The following FAM184B variants were observed in gnomAD, a reference collection of about 807,000 sequenced individuals.
FAM184B encodes the protein protein FAM184B.
FAM184B carries 111 observed loss-of-function variants against 135.9 expected under a neutral mutation model. The ratio of observed to expected loss-of-function variants is 0.82; its 90% CI spans 0.70 to 0.96. The LOEUF (loss-of-function observed/expected upper bound fraction) is 0.96. Ranked by LOEUF, FAM184B falls within the 40% of genes least tolerant of loss-of-function variation. FAM184B has a pLI of 0.00. For missense variants in FAM184B, 1,375 were observed against 1,323.9 expected (o/e 1.04, Z -0.60); for synonymous variants, 552 against 524.8 (o/e 1.05, Z -0.71).
intron 11 of FAM184B, among the ~76,000 whole-genome samples, chr4:17,651,793 C>T (rs1715624227): frequency 6.6e-6 from 1 of 152,126 alleles, no homozygotes; most frequent in Non-Finnish European, 1.5e-5. Flanking sequence ...TAGAGCTGGG[C>T]TTCACACCCA....
chr4:17,727,195 T>C (rs73800374), intron 1 of FAM184B, among the ~76,000 whole-genome samples: 1 of 152,168 alleles, frequency 6.6e-6, no homozygotes, highest in Non-Finnish European at 1.5e-5. Flanking sequence ...ATTAAGACTC[T>C]GTCCCTACTC....
At chr4:17,762,097 G>C (rs1455074296) in intron 1 of FAM184B, among the ~76,000 whole-genome samples, 2 of 152,170 alleles carry the variant, frequency 1.3e-5, no homozygotes, top group African/African-American at 4.8e-5. Flanking sequence ...GCTGCCAAGA[G>C]ACCTCTTTCC....
chr4:17,709,575 G>C lies in FAM184B; in HGVS notation c.211C>G (p.Gln71Glu), dbSNP rs1577270775. Residue 71 changes from glutamine (Q) to glutamate (E), a missense_variant, in exon 2 of 18, where the codon CAG (glutamine) becomes GAG (glutamate). By Grantham distance (29) the Gln-to-Glu change is conservative (BLOSUM62 2). Coordinates refer to ENST00000265018, the MANE Select transcript of FAM184B (RefSeq NM_015688.2). ...GCCACCGCATTCTGGAGCTCCTCCT[G>C]GTGCGCTTCCCGCAGCGCCTCCATG... ...ASMEALREAHQEELQNAVAET... is the reference protein window; with the variant it reads ...ASMEALREAHEEELQNAVAET... 1 of 1,549,418 alleles carries C rather than the reference G, an allele frequency of 6.5e-7. No homozygotes were observed. Among genetic ancestry groups the C allele is most frequent in the East Asian group, 2.4e-5 (1 of 40,908 alleles).
chr4:17,707,352 G>C (rs1717141735), intron 3 of FAM184B, among the ~76,000 whole-genome samples: 1 of 152,246 alleles, frequency 6.6e-6, no homozygotes, highest in Admixed American at 6.5e-5. Flanking sequence ...GGTGAAGTGA[G>C]TCAGTGCTAA....
Position 17,703,916 on chromosome 4 carries a change from C to T in FAM184B, c.1377+1084G>A, listed in dbSNP as rs1168615028. Among the ~76,000 whole-genome samples the T allele has an allele frequency of 2.2e-5, 3 of 138,746 alleles. No homozygotes were observed. In the East Asian group the frequency reaches 6.0e-4, roughly 28 times the overall value. 91.0% of individuals were successfully genotyped at this position (138,746 alleles called of 152,430 possible). A position where few individuals can be genotyped will look rare whatever the true frequency, so the allele number is the denominator to read the frequency against. ...ACTGCACTCCAGCCTGGTGACAGAC[C>T]AAGACTCCGTTTCAAAAAAAAAAAA... On this transcript the variant is annotated intron_variant, in intron 5 of 17. Transcript: ENST00000265018.
chr4:17,769,965 C>T (rs1273823341), intron 1 of FAM184B, among the ~76,000 whole-genome samples: 1 of 152,242 alleles, frequency 6.6e-6, no homozygotes, highest in African/African-American at 2.4e-5. Context: ...TCTGAAGAGA[C>T]ATCTGAGCCA....
At chr4:17,751,867 A>ACAC (rs1491120270) in intron 1 of FAM184B, among the ~76,000 whole-genome samples, 26 of 149,456 alleles carry the variant, frequency 1.7e-4, no homozygotes, top group South Asian at 4.3e-4. Context: ...ACACACACAC[A>ACAC]AAAGAACCAG....
At chr4:17,776,482 G>C (rs1449917385) in intron 1 of FAM184B, among the ~76,000 whole-genome samples, 2 of 152,122 alleles carry the variant, frequency 1.3e-5, no homozygotes, top group South Asian at 2.1e-4. Flanking sequence ...TCCGCCTCTC[G>C]GGTTCAAGCG....
intron 1 of FAM184B, among the ~76,000 whole-genome samples, chr4:17,715,781 A>G (rs182484298): frequency 6.6e-6 from 1 of 150,458 alleles, no homozygotes; most frequent in Non-Finnish European, 1.5e-5. Context: ...TTGTCAGTTT[A>G]AAAAAAAAGA....
intron 1 of FAM184B, among the ~76,000 whole-genome samples, chr4:17,774,322 T>G (rs746799014): frequency 2.6e-5 from 4 of 152,090 alleles, no homozygotes; most frequent in Non-Finnish European, 5.9e-5. Context: ...GAGCCCAGAT[T>G]GTACCACTGC....
At position 17,743,439 on chromosome 4, in the gene FAM184B, T is replaced by C. The variant is rs1185492104; in HGVS notation, c.142-33795A>G. 2.0e-5 allele frequency among the ~76,000 whole-genome samples: 3 copies of C among 152,300 alleles called. No homozygotes were observed. The East Asian group carries it at 5.8e-4, about 29-fold the overall frequency. ...CTCTGGCTGCTGCGTTGAGAGCAGG[T>C]GGAAGCAGGGAGACTAGTCAGGGAG... On this transcript the variant is annotated intron_variant, in intron 1 of 17. Coordinates refer to ENST00000265018, the MANE Select transcript of FAM184B (RefSeq NM_015688.2).
At chr4:17,766,008 C>A (rs1224618761) in intron 1 of FAM184B, among the ~76,000 whole-genome samples, 1 of 152,160 alleles carries the variant, frequency 6.6e-6, no homozygotes, top group Non-Finnish European at 1.5e-5. Flanking sequence ...TAACTGGCTT[C>A]AACAGTGAAG....
At chr4:17,744,494 A>AC (rs1386166129) in intron 1 of FAM184B, among the ~76,000 whole-genome samples, 176 of 146,124 alleles carry the variant, frequency 1.2e-3, no homozygotes, top group Middle Eastern at 7.1e-3. Context: ...CACACACCAC[A>AC]CACACACACA....
At chr4:17,674,217 C>T (rs1027073874) in intron 7 of FAM184B, among the ~76,000 whole-genome samples, 1 of 152,050 alleles carries the variant, frequency 6.6e-6, no homozygotes, top group African/African-American at 2.4e-5. Flanking sequence ...TACAAGCATA[C>T]CTCAGAGATA....
intron 7 of FAM184B, among the ~76,000 whole-genome samples, chr4:17,686,932 C>A (rs1040093586): frequency 6.6e-6 from 1 of 152,188 alleles, no homozygotes; most frequent in Non-Finnish European, 1.5e-5. Flanking sequence ...CAGAGAAAGA[C>A]CCTGTCTCAA....
intron 1 of FAM184B, among the ~76,000 whole-genome samples, chr4:17,755,425 TG>T (rs1718395637): frequency 6.6e-6 from 1 of 152,134 alleles, no homozygotes; most frequent in African/African-American, 2.4e-5. Flanking sequence ...CTGGTGAGGT[TG>T]TGGAGAAAAA....
rs1716002210 is a variant in FAM184B at position 17,664,634 on chromosome 4, G to A, written c.1622C>T (p.Thr541Ile). The change falls in exon 8 of 18, where the codon ACT becomes ATT. Residue 541 changes from threonine (T) to isoleucine (I), a missense_variant. By Grantham distance (89) the Thr-to-Ile change is moderately conservative (BLOSUM62 -1). Coordinates refer to ENST00000265018, the MANE Select transcript of FAM184B (RefSeq NM_015688.2). The part of the protein sequence containing the change: ...TQDPCLKLDE[T>I]SPRGEEYQDK... ...TTGATACTCCTCTCCTCTCGGCGAA[G>A]TTTCATCCAGCTTCAAGCATGGATC... 1 of 1,546,658 alleles carries A rather than the reference G, an allele frequency of 6.5e-7. No homozygotes were observed.
At chr4:17,635,998 A>G (rs1215592489) in intron 15 of FAM184B, among the ~76,000 whole-genome samples, 6 of 152,054 alleles carry the variant, frequency 3.9e-5, no homozygotes, top group African/African-American at 9.7e-5. Flanking sequence ...TAAAAAACCA[A>G]TATTAACATG....
At chr4:17,727,551 C>T (rs1412296164) in intron 1 of FAM184B, among the ~76,000 whole-genome samples, 3 of 152,086 alleles carry the variant, frequency 2.0e-5, no homozygotes, top group East Asian at 1.9e-4. Flanking sequence ...ACAATCATGG[C>T]GGAAGGTGAA....
Sources: gnomAD v4.1 joint callset for allele counts (sites outside exome capture counted in the v4.1 genomes callset) on GRCh38, gnomAD v4.1.1 for gene constraint, MANE v1.5 for transcripts, NCBI Gene and HGNC (gene_info 2026-07-23, HGNC 2026-07-21) for gene names.